CHD6: variants seen among roughly 807,000 people sequenced by gnomAD.
The protein encoded by CHD6 is ATP-dependent chromatin remodeler CHD6.
Under a neutral mutation model 276.9 loss-of-function variants are expected in CHD6, and 50 were observed. The ratio of observed to expected loss-of-function variants is 0.18; its 90% CI spans 0.14 to 0.23. The LOEUF (loss-of-function observed/expected upper bound fraction) is 0.23. CHD6 is among the 10% of genes least tolerant of loss of function. The probability of loss-of-function intolerance (pLI) is 1.00; values close to 1 mark genes in which losing one functional copy is unlikely to be tolerated. For synonymous variants in CHD6, 1,173 were observed against 1,229.3 expected, an observed-to-expected ratio of 0.95 and a Z score of 0.96; for missense variants, 2,564 against 3,365.8, an observed-to-expected ratio of 0.76 and a Z score of 5.89.
intron 12 of CHD6, 26 bp from the exon 13 acceptor site, chr20:41,488,630 A>G (rs751244407): frequency 1.2e-6 from 2 of 1,601,976 alleles, no homozygotes; most frequent in Admixed American, 1.7e-5. Context: ...CCAAAGTCAA[A>G]GCTTTACACC....
At chr20:41,428,409 C>T (rs547774885) in intron 27 of CHD6, among the ~76,000 whole-genome samples, 3 of 152,306 alleles carry the variant, frequency 2.0e-5, no homozygotes, top group African/African-American at 7.2e-5. Context: ...ATGTGTGCTA[C>T]CTCAATTTCT....
chr20:41,428,567 C>T (rs942981627), intron 27 of CHD6, among the ~76,000 whole-genome samples: 2 of 152,204 alleles, frequency 1.3e-5, no homozygotes, highest in African/African-American at 2.4e-5. Flanking sequence ...TGAGGACACA[C>T]GTGGTTTGGA....
intron 12 of CHD6, among the ~76,000 whole-genome samples, chr20:41,489,114 T>C (rs1026659798): frequency 2.0e-5 from 3 of 152,196 alleles, no homozygotes; most frequent in African/African-American, 7.2e-5. Flanking sequence ...TGTCTTGGTG[T>C]TGCCATCACA....
intron 2 of CHD6, among the ~76,000 whole-genome samples, chr20:41,542,609 C>G (rs2044965501): frequency 6.6e-6 from 1 of 151,990 alleles, no homozygotes; most frequent in African/African-American, 2.4e-5. Flanking sequence ...AGGAGAATGG[C>G]ATGAATCTGG....
At chr20:41,606,697 C>G (rs1307464276) in intron 1 of CHD6, among the ~76,000 whole-genome samples, 1 of 151,820 alleles carries the variant, frequency 6.6e-6, no homozygotes, top group Non-Finnish European at 1.5e-5. Flanking sequence ...AAACTTATCT[C>G]CTAGTCAGTC....
intron 1 of CHD6, among the ~76,000 whole-genome samples, chr20:41,598,422 C>T (rs1488975724): frequency 5.3e-5 from 8 of 152,050 alleles, no homozygotes; most frequent in East Asian, 1.9e-4. Flanking sequence ...CTGGCTAGCA[C>T]GGATTAAATA....
chr20:41,474,869 A>G (rs2043137000), intron 16 of CHD6, among the ~76,000 whole-genome samples: 1 of 152,220 alleles, frequency 6.6e-6, no homozygotes, highest in Non-Finnish European at 1.5e-5. Context: ...CAAAGAAACA[A>G]GTCTGAAAAT....
intron 7 of CHD6, chr20:41,497,924 C>A: frequency 2.0e-6 from 1 of 491,476 alleles, no homozygotes; most frequent in Non-Finnish European, 3.7e-6. Flanking sequence ...TTGGGCCCCA[C>A]TGAGTCTGAG....
intron 18 of CHD6, 90 bp downstream of exon 18, chr20:41,457,174 T>C (rs2048401025): frequency 1.4e-6 from 2 of 1,458,906 alleles, no homozygotes; most frequent in South Asian, 1.4e-5. Flanking sequence ...GCAGCGAAAG[T>C]GAACCCTTAA....
chr20:41,483,573 T>A (rs544586263), intron 15 of CHD6, 54 bp from the exon 16 acceptor site: 1 of 1,313,616 alleles, frequency 7.6e-7, no homozygotes, highest in Admixed American at 2.3e-5. Context: ...GGATAAAGGT[T>A]GTACTCTGCT....
At position 41,440,103 on chromosome 20, in the gene CHD6, C is replaced by T. The variant is rs762531330; in HGVS notation, c.3904G>A (p.Ala1302Thr). Reference protein sequence around the residue: ...HGYERYNAMRADPALCFLEKV... With the variant: ...HGYERYNAMRTDPALCFLEKV... Reference sequence around the variant, plus strand: ...TCCAGGAAGCAAAGTGCTGGGTCTGCTCGCATGGCATTGTACCTTTCATAA... The same window carrying T: ...TCCAGGAAGCAAAGTGCTGGGTCTGTTCGCATGGCATTGTACCTTTCATAA... Residue 1302 changes from alanine to threonine, a missense_variant, in exon 26 of 37, where the codon GCA becomes ACA. Physicochemically the swap from Ala to Thr is moderately conservative, Grantham distance 58. Coordinates refer to ENST00000373233, the MANE Select transcript of CHD6 (RefSeq NM_032221.5). 6.2e-7 allele frequency: 1 copy of T among 1,614,046 alleles called. No homozygotes were observed. The highest frequency in any genetic ancestry group is 1.1e-5 in the South Asian group (1 of 91,086).
At chr20:41,488,299 A>G in intron 13 of CHD6, 129 bp downstream of exon 13, 1 of 867,038 alleles carries the variant, frequency 1.2e-6, no homozygotes, top group Non-Finnish European at 1.8e-6. Context: ...GCAGTTATAG[A>G]GACCAAAAAA....
intron 1 of CHD6, among the ~76,000 whole-genome samples, chr20:41,617,508 G>A (rs192857798): frequency 6.6e-6 from 1 of 152,202 alleles, no homozygotes; most frequent in Admixed American, 6.5e-5. Flanking sequence ...AAAAAACCAA[G>A]TAGCTGCCAA....
At chr20:41,617,647 A>T (rs1394190616) in intron 1 of CHD6, among the ~76,000 whole-genome samples, 1 of 152,094 alleles carries the variant, frequency 6.6e-6, no homozygotes, top group African/African-American at 2.4e-5. Context: ...CCAACATGCG[A>T]TCTAATAATG....
chr20:41,576,497 C>T (rs540427016), intron 1 of CHD6, among the ~76,000 whole-genome samples: 77 of 152,110 alleles, frequency 5.1e-4, no homozygotes, highest in African/African-American at 1.8e-3. Flanking sequence ...ACCAGCCTGG[C>T]CAACATGGTG....
chr20:41,461,161 T>C (rs771883022), intron 17 of CHD6, among the ~76,000 whole-genome samples: 1 of 152,234 alleles, frequency 6.6e-6, no homozygotes. Context: ...AAATCATATC[T>C]AGAAAGTAAT....
intron 17 of CHD6, among the ~76,000 whole-genome samples, chr20:41,466,831 A>G (rs1374792323): frequency 6.6e-6 from 1 of 152,220 alleles, no homozygotes; most frequent in Non-Finnish European, 1.5e-5. Context: ...TTTTCAACCG[A>G]AACTACTCCC....
chr20:41,506,515 G>A (rs369853487), intron 5 of CHD6, among the ~76,000 whole-genome samples: 1 of 152,140 alleles, frequency 6.6e-6, no homozygotes, highest in East Asian at 1.9e-4. Context: ...TACTTTTAGT[G>A]AAGGCAACTC....
At chr20:41,497,283 C>A (rs1271768031) in intron 8 of CHD6, 101 bp downstream of exon 8, 3 of 796,760 alleles carry the variant, frequency 3.8e-6, no homozygotes, top group Non-Finnish European at 6.6e-6. Context: ...ACTTGAGCAA[C>A]AGATCTGTAT....
Sources: gnomAD v4.1 joint callset for allele counts (sites outside exome capture counted in the v4.1 genomes callset) on GRCh38, gnomAD v4.1.1 for gene constraint, MANE v1.5 for transcripts, NCBI Gene and HGNC (gene_info 2026-07-23, HGNC 2026-07-21) for gene names.